The following MYO9A variants were observed in gnomAD, a reference collection of about 807,000 sequenced individuals.
MYO9A encodes myosin IXA, also known as unconventional myosin-IXa.
In MYO9A, 103 loss-of-function variants were observed where a neutral mutation model predicts 293.3. The ratio of observed to expected loss-of-function variants is 0.35; its 90% CI spans 0.30 to 0.41. The LOEUF is 0.41. Ranked by LOEUF, MYO9A falls within the 10% of genes least tolerant of loss-of-function variation. The probability of loss-of-function intolerance (pLI) is 1.00; values close to 1 mark genes in which losing one functional copy is unlikely to be tolerated. For synonymous variants in MYO9A, 1,001 were observed against 1,035.7 expected (o/e 0.97, Z 0.64); for missense variants, 2,685 against 3,033.0 (o/e 0.89, Z 2.69).
At chr15:72,088,561 CAT>C (rs543310739) in intron 1 of MYO9A, among the ~76,000 whole-genome samples, 3 of 152,190 alleles carry the variant, frequency 2.0e-5, no homozygotes, top group Non-Finnish European at 4.4e-5. Context: ...ACTACTGTGA[CAT>C]ATACACCCTC....
At chr15:71,925,364 T>C (rs950298518) in intron 18 of MYO9A, among the ~76,000 whole-genome samples, 2 of 151,030 alleles carry the variant, frequency 1.3e-5, no homozygotes, top group African/African-American at 4.9e-5. Context: ...CATGTATATA[T>C]ACATATATAC....
chr15:72,012,235 T>C (rs1004382178), intron 6 of MYO9A, among the ~76,000 whole-genome samples: 7 of 152,214 alleles, frequency 4.6e-5, no homozygotes, highest in African/African-American at 1.2e-4. Flanking sequence ...TTTATTACTA[T>C]AAAATTGCTT....
chr15:71,852,892 G>C (rs1434950871), intron 35 of MYO9A, among the ~76,000 whole-genome samples: 3 of 152,164 alleles, frequency 2.0e-5, no homozygotes. Context: ...GAGGCCAGGA[G>C]ACAGAAAGCA....
At chr15:72,035,678 ACC>A (rs1337696991) in intron 2 of MYO9A, among the ~76,000 whole-genome samples, 1 of 152,126 alleles carries the variant, frequency 6.6e-6, no homozygotes, top group East Asian at 1.9e-4. Context: ...GGTGGCACAC[ACC>A]TGTAATCTCA....
intron 2 of MYO9A, among the ~76,000 whole-genome samples, chr15:72,038,480 A>G (rs1463028290): frequency 6.6e-6 from 1 of 152,214 alleles, no homozygotes; most frequent in African/African-American, 2.4e-5. Flanking sequence ...TAAATTATAA[A>G]TCAAGAACAG....
chr15:71,877,330 C>A (rs1460793584), intron 31 of MYO9A, among the ~76,000 whole-genome samples: 1 of 152,058 alleles, frequency 6.6e-6, no homozygotes, highest in East Asian at 1.9e-4. Context: ...TACAGACTTC[C>A]CAAAACACGT....
chr15:71,933,439 A>T (rs1184445737), intron 18 of MYO9A, among the ~76,000 whole-genome samples: 6 of 152,152 alleles, frequency 3.9e-5, no homozygotes, highest in Non-Finnish European at 7.4e-5. Flanking sequence ...TTCAGGAGCT[A>T]TTAAAACGCT....
chr15:71,951,774 T>C lies in MYO9A; in HGVS notation c.2302+3A>G. The C allele has an allele frequency of 6.2e-7, 1 of 1,613,802 alleles. No homozygotes were observed. Among genetic ancestry groups the C allele is most frequent in the Non-Finnish European group, 8.5e-7 (1 of 1,179,888 alleles). On this transcript the variant is annotated splice_donor_region_variant and intron_variant, in intron 15 of 41. Transcript: ENST00000356056. Reference sequence around the variant, plus strand: ...AACAGTTTATCAGGATTTGTAGCCTTACTGTACTTCTCTTCCTTGCATCTC... The same window carrying C: ...AACAGTTTATCAGGATTTGTAGCCTCACTGTACTTCTCTTCCTTGCATCTC...
intron 25 of MYO9A, among the ~76,000 whole-genome samples, chr15:71,894,406 G>A (rs2057264996): frequency 6.6e-6 from 1 of 152,068 alleles, no homozygotes; most frequent in African/African-American, 2.4e-5. Context: ...GCAAAACTCC[G>A]TCTCTACCAA....
At chr15:72,087,242 G>T (rs1222299550) in intron 1 of MYO9A, among the ~76,000 whole-genome samples, 1 of 152,194 alleles carries the variant, frequency 6.6e-6, no homozygotes, top group African/African-American at 2.4e-5. Flanking sequence ...GGGCAAGACT[G>T]CCCTGCAGAG....
rs557868299 is a variant in MYO9A, at chr15:71,893,636, C to G, written c.5142+43G>C. 3.4e-6 allele frequency: 5 copies of G among 1,452,944 alleles called. No individual in the cohort carries two copies. The South Asian group carries it at 4.6e-5, about 13-fold the overall frequency. The allele number at this position is 1,452,944 out of a possible 1,614,324, so 90.0% of individuals were successfully genotyped here. ...TAATAATTTCCAAAATAATGTACATCTCTTTTGTATAGAAGATAGATAAAC... is the reference window on the plus strand; with the variant it reads ...TAATAATTTCCAAAATAATGTACATGTCTTTTGTATAGAAGATAGATAAAC... On this transcript the variant is annotated intron_variant, in intron 26 of 41. Coordinates refer to ENST00000356056, the MANE Select transcript of MYO9A (RefSeq NM_006901.4).
At chr15:71,904,867 T>C in intron 20 of MYO9A, 59 bp downstream of exon 20, 2 of 1,290,350 alleles carry the variant, frequency 1.5e-6, no homozygotes, top group Non-Finnish European at 2.2e-6. Context: ...CTTAAAAGTA[T>C]TTAAAGCTCA....
chr15:71,824,516 C>G lies in MYO9A; in HGVS notation c.*2064G>C, dbSNP rs1319266786. ...AATTAATGCCCAGCAGTACACTACT[C>G]TCCCAAGAACACTGAAACACAGACT... is the stretch of plus-strand genomic sequence containing the variant. On this transcript the variant is annotated 3_prime_UTR_variant, in exon 42 of 42. Transcript: ENST00000356056. 6.6e-6 allele frequency: 1 copy of G among 152,208 alleles called. No individual in the cohort carries two copies. The allele number at this position is 152,208 out of a possible 1,614,324, so 9.4% of individuals were successfully genotyped here. A position where few individuals can be genotyped will look rare whatever the true frequency, so the allele number is the denominator to read the frequency against.
At chr15:72,070,134 A>G (rs2079143945) in intron 1 of MYO9A, among the ~76,000 whole-genome samples, 1 of 148,784 alleles carries the variant, frequency 6.7e-6, no homozygotes, top group Non-Finnish European at 1.5e-5. Context: ...GTCTCAAAAA[A>G]AAAAAAAAAA....
intron 1 of MYO9A, among the ~76,000 whole-genome samples, chr15:72,101,751 C>T (rs71372204): frequency 2.7e-4 from 37 of 137,778 alleles, no homozygotes; most frequent in Middle Eastern, 5.2e-3. Flanking sequence ...CGCCTCTGCC[C>T]GGCCGCCCCT....
chr15:72,044,820 C>T (rs192256009), intron 2 of MYO9A, among the ~76,000 whole-genome samples: 20 of 152,336 alleles, frequency 1.3e-4, no homozygotes, highest in Admixed American at 5.9e-4. Context: ...CAGTTAGACA[C>T]GACCTGACTC....
chr15:72,109,328 T>C (rs1369718838), intron 1 of MYO9A, among the ~76,000 whole-genome samples: 1 of 150,296 alleles, frequency 6.7e-6, no homozygotes, highest in Admixed American at 6.6e-5. Context: ...AGGTGGAGCA[T>C]GCAGTGAGCC....
intron 1 of MYO9A, among the ~76,000 whole-genome samples, chr15:72,049,073 T>C (rs1356575274): frequency 6.6e-6 from 1 of 152,228 alleles, no homozygotes; most frequent in African/African-American, 2.4e-5. Context: ...ATTTCATATC[T>C]TCCTTAGCAT....
rs143129497 is a variant in MYO9A, at chr15:72,046,188, G to A, written c.376C>T (p.Arg126Trp). The A allele has an allele frequency of 1.7e-4, 281 of 1,614,060 alleles. No individual in the cohort carries two copies. Among genetic ancestry groups the A allele is most frequent in the Non-Finnish European group, 2.2e-4 (256 of 1,180,010 alleles). Reference sequence around the variant, plus strand: ...ATCCTGCGACGTTCTTCTGTTACCCGTAGCCATGACTGCAGGCTACCATAA... The same window carrying A: ...ATCCTGCGACGTTCTTCTGTTACCCATAGCCATGACTGCAGGCTACCATAA... ...IHYGSLQSWL[R>W]VTEERRRMME... The change falls in exon 2 of 42, where the codon CGG (arginine) becomes TGG (tryptophan). Residue 126 changes from arginine (R) to tryptophan (W), a missense_variant. By Grantham distance (101) the Arg-to-Trp change is moderately radical. Coordinates refer to ENST00000356056, the MANE Select transcript of MYO9A (RefSeq NM_006901.4).
Sources: allele counts gnomAD v4.1 joint callset (sites outside exome capture counted in the v4.1 genomes callset), GRCh38; gene constraint gnomAD v4.1.1; transcripts MANE v1.5; gene names NCBI Gene and HGNC (gene_info 2026-07-23, HGNC 2026-07-21).